RNF10: variants seen among roughly 807,000 people sequenced by gnomAD.
RNF10 encodes the protein ring finger protein 10.
RNF10 carries 38 observed loss-of-function variants against 91.4 expected under a neutral mutation model. The observed-to-expected ratio is 0.42, with a 90% CI of 0.32 to 0.54. The LOEUF (loss-of-function observed/expected upper bound fraction) is 0.54. Among genes scored for constraint, RNF10 ranks in the 20% least tolerant of loss-of-function variants. RNF10 has a pLI of 0.16. For missense variants in RNF10, 945 were observed against 1,012.0 expected, an observed-to-expected ratio of 0.93 and a Z score of 0.90; for synonymous variants, 364 against 366.3, an observed-to-expected ratio of 0.99 and a Z score of 0.07.
Position 120,557,708 on chromosome 12 carries a change from A to G in RNF10, c.967+26A>G, listed in dbSNP as rs935255904. 7 of 1,612,790 alleles carry G rather than the reference A, an allele frequency of 4.3e-6. No individual in the cohort carries two copies. The African/African-American group carries it at 5.3e-5, about 12-fold the overall frequency. On this transcript the variant is annotated intron_variant, in intron 6 of 16. Transcript: ENST00000325954. ...GTGAGTTCTTTAAATTTTGGGGACA[A>G]ATAATCCTGGGTACATTCTTTAAGG...
At position 120,534,475 on chromosome 12, in the gene RNF10, C is replaced by G. The variant is rs1870420940; in HGVS notation, c.-337C>G. On this transcript the variant is annotated 5_prime_UTR_variant, in exon 1 of 17. Transcript: ENST00000325954. Reference sequence around the variant, plus strand: ...CGAGACAGCCAGCCCTCTCCCCTGCCTCGCGGCGGGAGAGCGTGTCCGGCC... The same window carrying G: ...CGAGACAGCCAGCCCTCTCCCCTGCGTCGCGGCGGGAGAGCGTGTCCGGCC... The G allele has an allele frequency of 6.8e-5, 15 of 219,086 alleles. 1 individual carries two copies. The South Asian group carries it at 1.1e-3, about 16-fold the overall frequency. The allele number at this position is 219,086 out of a possible 1,614,324, so 13.6% of individuals were successfully genotyped here. A position where few individuals can be genotyped will look rare whatever the true frequency, so the allele number is the denominator to read the frequency against.
In RNF10 at chr12:120,554,745, A is replaced by C. The variant is rs766460552; in HGVS notation, c.582A>C (p.Gln194His). The C allele has an allele frequency of 2.8e-5, 45 of 1,613,838 alleles. No homozygotes were observed. Among genetic ancestry groups the C allele is most frequent in the African/African-American group, 4.0e-5 (3 of 74,874 alleles). ...GCCAATTTGTGGTGTCTGAAGACCA[A>C]GACTACACAGCTCATTTTGCTGATC... ...ANCQFVVSED[Q>H]DYTAHFADPD... The change falls in exon 4 of 17, where the codon CAA (glutamine) becomes CAC (histidine). Residue 194 changes from glutamine (Q) to histidine (H), a missense_variant. Physicochemically the swap from Gln to His is conservative, Grantham distance 24 (BLOSUM62 0). Transcript: ENST00000325954.
intron 7 of RNF10, among the ~76,000 whole-genome samples, chr12:120,562,289 T>TTTTTTTTC (rs1874982299): frequency 6.8e-6 from 1 of 147,310 alleles, no homozygotes; most frequent in Non-Finnish European, 1.5e-5. Flanking sequence ...TTTTTTTTTT[T>TTTTTTTTC]TTGAGACAGA....
At chr12:120,574,027 A>G (rs2137272934) in intron 14 of RNF10, among the ~76,000 whole-genome samples, 1 of 152,220 alleles carries the variant, frequency 6.6e-6, no homozygotes, top group South Asian at 2.1e-4. Flanking sequence ...TGAGGGGTCC[A>G]CCCCCATGAC....
chr12:120,549,503 G>A (rs1487313313), intron 2 of RNF10, among the ~76,000 whole-genome samples: 1 of 152,072 alleles, frequency 6.6e-6, no homozygotes, highest in Non-Finnish European at 1.5e-5. Context: ...TGGGTGATGG[G>A]GCCGGGCGCA....
At chr12:120,572,576 T>C (rs1410865268) in intron 14 of RNF10, among the ~76,000 whole-genome samples, 1 of 152,090 alleles carries the variant, frequency 6.6e-6, no homozygotes, top group Non-Finnish European at 1.5e-5. Flanking sequence ...CCAGGAGTTA[T>C]GCCAAATACT....
At position 120,575,688 on chromosome 12, in the gene RNF10, G is replaced by A; in HGVS notation, c.2200G>A (p.Asp734Asn). 4 of 1,614,216 alleles carry A rather than the reference G, an allele frequency of 2.5e-6. No individual in the cohort carries two copies. Among genetic ancestry groups the A allele is most frequent in the Non-Finnish European group, 3.4e-6 (4 of 1,180,034 alleles). ...GTGGCCCAAAACTGCTCCAAAGAAA[G>A]GTGAGGATGGTCCACTGGTGAAGGG... The part of the protein sequence containing the change: ...DVWPKTAPKK[D>N]ENSLVPPAPV... Residue 734 changes from aspartate (D) to asparagine (N), a missense_variant and splice_region_variant, in exon 15 of 17, where the codon GAT becomes AAT. Physicochemically the swap from Asp to Asn is conservative, Grantham distance 23. Transcript: ENST00000325954.
intron 3 of RNF10, 156 bp from the exon 4 acceptor site, chr12:120,554,562 G>T (rs1004440343): frequency 3.6e-5 from 22 of 615,088 alleles, no homozygotes; most frequent in African/African-American, 9.3e-5. Flanking sequence ...CAGAGCTGGA[G>T]CTCAGAACTG....
intron 1 of RNF10, among the ~76,000 whole-genome samples, chr12:120,537,154 A>G (rs1227458336): frequency 1.3e-5 from 2 of 151,718 alleles, no homozygotes; most frequent in African/African-American, 2.4e-5. Flanking sequence ...ACAAAAAAAT[A>G]AATGAGCCGG....
intron 13 of RNF10, among the ~76,000 whole-genome samples, chr12:120,569,458 T>C (rs1468688084): frequency 1.3e-5 from 2 of 151,926 alleles, no homozygotes; most frequent in African/African-American, 4.8e-5. Flanking sequence ...TGCACTACTG[T>C]GACGCTCTTC....
In RNF10 at chr12:120,569,538, C is replaced by CTTTTTTTTTTTTTTTTTTT. The variant is rs58304342; in HGVS notation, c.2042-1642_2042-1641insTTTTTTTTTTTTTTTTTTT. Among the ~76,000 whole-genome samples the CTTTTTTTTTTTTTTTTTTT allele has an allele frequency of 5.2e-5, 6 of 115,236 alleles. 1 individual carries two copies. Among genetic ancestry groups the CTTTTTTTTTTTTTTTTTTT allele is most frequent in the Non-Finnish European group, 3.5e-5 (2 of 57,600 alleles). 75.6% of individuals were successfully genotyped at this position (115,236 alleles called of 152,430 possible). ...TAAATACATTATTTGTGATATGCAT[C>CTTTTTTTTTTTTTTTTTTT]TTTTTTTTTTTGAGACAGGGTCTCG... On this transcript the variant is annotated intron_variant, in intron 13 of 16. Transcript: ENST00000325954.
intron 1 of RNF10, 27 bp from the exon 2 acceptor site, chr12:120,546,377 GA>G: frequency 6.3e-7 from 1 of 1,595,598 alleles, no homozygotes; most frequent in Middle Eastern, 1.7e-4. Context: ...AGCTTCTTAA[GA>G]CGTTCTTTTG....
At chr12:120,546,323 T>A (rs1270800362) in intron 1 of RNF10, 82 bp from the exon 2 acceptor site, 1 of 1,336,744 alleles carries the variant, frequency 7.5e-7, no homozygotes, top group Non-Finnish European at 1.0e-6. Flanking sequence ...TTCACCCTTA[T>A]TTTTTGCTGG....
intron 1 of RNF10, among the ~76,000 whole-genome samples, chr12:120,538,647 CAAAG>C (rs1046050249): frequency 3.3e-5 from 5 of 152,036 alleles, no homozygotes; most frequent in African/African-American, 7.2e-5. Context: ...TTAGAGGGAG[CAAAG>C]AAAGAGAGGC....
At chr12:120,563,659 G>T (rs1415677917) in intron 9 of RNF10, 36 bp downstream of exon 9, 1 of 1,574,568 alleles carries the variant, frequency 6.4e-7, no homozygotes, top group Non-Finnish European at 8.6e-7. Flanking sequence ...GGTTGCCGCA[G>T]AGGTGTTTCA....
chr12:120,559,031 T>C (rs1212665831), intron 6 of RNF10, among the ~76,000 whole-genome samples: 1 of 145,454 alleles, frequency 6.9e-6, no homozygotes, highest in African/African-American at 2.5e-5. Context: ...TTAAAATTAA[T>C]TTAATTAATT....
chr12:120,550,020 T>C (rs1437860512), intron 2 of RNF10, among the ~76,000 whole-genome samples: 1 of 152,136 alleles, frequency 6.6e-6, no homozygotes, highest in Non-Finnish European at 1.5e-5. Flanking sequence ...GTCTAGACTA[T>C]AGAACACTCC....
chr12:120,570,730 G>A (rs1184176826), intron 13 of RNF10, among the ~76,000 whole-genome samples: 1 of 152,182 alleles, frequency 6.6e-6, no homozygotes, highest in African/African-American at 2.4e-5. Flanking sequence ...GGATCTTGTT[G>A]ATGTGTCTTG....
intron 1 of RNF10, among the ~76,000 whole-genome samples, chr12:120,545,803 T>C (rs1872242182): frequency 6.6e-6 from 1 of 152,240 alleles, no homozygotes; most frequent in African/African-American, 2.4e-5. Flanking sequence ...CCTTCCAAAG[T>C]GCTGGGATTA....
Sources: gnomAD v4.1 joint callset for allele counts (sites outside exome capture counted in the v4.1 genomes callset) on GRCh38, gnomAD v4.1.1 for gene constraint, MANE v1.5 for transcripts, NCBI Gene and HGNC (gene_info 2026-07-23, HGNC 2026-07-21) for gene names.